The following OR51A7 variants were observed in gnomAD, a reference collection of about 807,000 sequenced individuals.
OR51A7 encodes the protein olfactory receptor family 51 subfamily A member 7.
For missense variants in OR51A7, 409 were observed against 374.5 expected (o/e 1.09, Z -0.76); for synonymous variants, 143 against 135.5 (o/e 1.05, Z -0.38).
rs531013617 is a variant in OR51A7, at chr11:4,907,977, C to T, written c.608C>T (p.Ala203Val). 7 of 1,614,142 alleles carry T rather than the reference C, an allele frequency of 4.3e-6. No individual in the cohort carries two copies. In the South Asian group the frequency reaches 7.7e-5, roughly 18 times the overall value. Residue 203 changes from alanine to valine, a missense_variant, in exon 2 of 2, where the codon GCT becomes GTT. Coordinates refer to ENST00000641490, the MANE Select transcript of OR51A7 (RefSeq NM_001004749.2). ...KTNVIYGFFI[A>V]LCTMLDLALI... is the part of the protein sequence containing the mutation. ...AATGTCATCTATGGCTTCTTCATTG[C>T]TCTCTGTACTATGCTGGACTTGGCA...
In OR51A7 at chr11:4,908,852, A is replaced by T. The variant is rs1850948026; in HGVS notation, c.*544A>T. ...GGAATGCCAATTTCTTCTCTACATG[A>T]TAAATTTCATTTTAAGAAGAGCGTG... On this transcript the variant is annotated 3_prime_UTR_variant, in exon 2 of 2. Transcript: ENST00000641490. 6.2e-6 allele frequency: 1 copy of T among 160,586 alleles called. No individual in the cohort carries two copies. Among genetic ancestry groups the T allele is most frequent in the Non-Finnish European group, 1.4e-5 (1 of 72,894 alleles). 9.9% of individuals were successfully genotyped at this position (160,586 alleles called of 1,614,324 possible).
chr11:4,906,256 A>G (rs992015121), intron 1 of OR51A7, among the ~76,000 whole-genome samples: 2 of 152,182 alleles, frequency 1.3e-5, no homozygotes, highest in Non-Finnish European at 2.9e-5. Context: ...ATTGGAAACT[A>G]CTGTGTAATC....
intron 1 of OR51A7, among the ~76,000 whole-genome samples, chr11:4,905,137 T>G (rs1328068948): frequency 6.6e-6 from 1 of 152,102 alleles, no homozygotes; most frequent in East Asian, 1.9e-4. Context: ...ACTACTGACA[T>G]GGGATCAGAA....
chr11:4,907,095 T>TAAAAAAAA (rs3065178), intron 1 of OR51A7, among the ~76,000 whole-genome samples: 4,380 of 54,850 alleles, frequency 0.08, 467 homozygotes, highest in Non-Finnish European at 0.11. Flanking sequence ...AAACTCCCTC[T>TAAAAAAAA]AAAAAAAAAA....
chr11:4,907,417 G>T lies in OR51A7; in HGVS notation c.48G>T (p.Gly16=), dbSNP rs1351411365. The T allele has an allele frequency of 6.2e-7, 1 of 1,613,704 alleles. No individual in the cohort carries two copies. The highest frequency in any genetic ancestry group is 1.3e-5 in the African/African-American group (1 of 74,824). ...NSEVKLFLLI[G]IPGLEHAHIW... ...AAGTCAAGCTTTTCCTTCTGATTGG[G>T]ATCCCAGGACTGGAACATGCCCACA... The change falls in exon 2 of 2, where the codon GGG becomes GGT. Residue 16 remains glycine (G), a synonymous_variant. Coordinates refer to ENST00000641490, the MANE Select transcript of OR51A7 (RefSeq NM_001004749.2).
At position 4,907,900 on chromosome 11, in the gene OR51A7, A is replaced by C. The variant is rs751516807; in HGVS notation, c.531A>C (p.Ser177=). The change falls in exon 2 of 2, where the codon TCA becomes TCC. Residue 177 remains serine (S), a synonymous_variant. Transcript: ENST00000641490. ...KYCQKNLLSH[S]YCLHQDTMKL... is the part of the protein sequence containing the mutation. ...GTCAAAAGAATCTTCTTTCTCACTC[A>C]TACTGTCTTCATCAGGATACCATGA... 7 of 1,613,964 alleles carry C rather than the reference A, an allele frequency of 4.3e-6. No homozygotes were observed. Among genetic ancestry groups the C allele is most frequent in the Non-Finnish European group, 5.9e-6 (7 of 1,180,026 alleles).
Position 4,908,134 on chromosome 11 carries a change from C to G in OR51A7, c.765C>G (p.Ile255Met). ...TGCTCACCTTCTATGTGCCCATCAT[C>G]ACCCTGGCTGCCATGCATCACTTTG... is the stretch of plus-strand genomic sequence containing the variant. ...CAVLTFYVPIITLAAMHHFAK... is the reference protein window; with the variant it reads ...CAVLTFYVPIMTLAAMHHFAK... The change falls in exon 2 of 2, where the codon ATC becomes ATG. Residue 255 changes from isoleucine (I) to methionine (M), a missense_variant. By Grantham distance (10) the Ile-to-Met change is conservative (BLOSUM62 1). Coordinates refer to ENST00000641490, the MANE Select transcript of OR51A7 (RefSeq NM_001004749.2). The G allele has an allele frequency of 6.2e-7, 1 of 1,614,200 alleles. No individual in the cohort carries two copies. Among genetic ancestry groups the G allele is most frequent in the Non-Finnish European group, 8.5e-7 (1 of 1,180,030 alleles).
chr11:4,906,664 G>A (rs917829710), intron 1 of OR51A7, among the ~76,000 whole-genome samples: 8 of 152,178 alleles, frequency 5.3e-5, no homozygotes, highest in Non-Finnish European at 1.0e-4. Flanking sequence ...ATAAAGCTCA[G>A]AGATTTTATT....
intron 1 of OR51A7, among the ~76,000 whole-genome samples, chr11:4,907,095 TA>T (rs3065178): frequency 5.6e-4 from 31 of 55,128 alleles, no homozygotes; most frequent in African/African-American, 1.2e-3. Context: ...AAACTCCCTC[TA>T]AAAAAAAAAA....
chr11:4,906,646 C>T (rs1461860721), intron 1 of OR51A7, among the ~76,000 whole-genome samples: 1 of 152,166 alleles, frequency 6.6e-6, no homozygotes, highest in Admixed American at 6.5e-5. Flanking sequence ...TTCTTTCAAA[C>T]TTTCTACATA....
At position 4,907,430 on chromosome 11, in the gene OR51A7, G is replaced by A. The variant is rs1850913896; in HGVS notation, c.61G>A (p.Glu21Lys). 3 of 1,613,746 alleles carry A rather than the reference G, an allele frequency of 1.9e-6. No individual in the cohort carries two copies. Among genetic ancestry groups the A allele is most frequent in the Non-Finnish European group, 2.5e-6 (3 of 1,179,986 alleles). The stretch of plus-strand genomic sequence containing the variant: ...CCTTCTGATTGGGATCCCAGGACTG[G>A]AACATGCCCACATTTGGTTCTCCAT... Reference protein sequence around the residue: ...LFLLIGIPGLEHAHIWFSIPI... With the variant: ...LFLLIGIPGLKHAHIWFSIPI... Residue 21 changes from glutamate to lysine, a missense_variant, in exon 2 of 2, where the codon GAA (glutamate) becomes AAA (lysine). Transcript: ENST00000641490.
chr11:4,909,006 T>C lies in OR51A7; in HGVS notation c.*698T>C, dbSNP rs538578099. On this transcript the variant is annotated 3_prime_UTR_variant, in exon 2 of 2. Coordinates refer to ENST00000641490, the MANE Select transcript of OR51A7 (RefSeq NM_001004749.2). ...GAACAAGATCATTTAGCTGCTGTTGTTATTTTTCTGTTATAAAACCAACAT... is the reference window on the plus strand; with the variant it reads ...GAACAAGATCATTTAGCTGCTGTTGCTATTTTTCTGTTATAAAACCAACAT... 1 of 152,370 alleles carries C rather than the reference T, an allele frequency of 6.6e-6. No homozygotes were observed. 9.4% of individuals were successfully genotyped at this position (152,370 alleles called of 1,614,324 possible).
Position 4,907,338 on chromosome 11 carries a change from G to T in OR51A7, c.-31-1G>T. 7.0e-7 allele frequency: 1 copy of T among 1,438,398 alleles called. No individual in the cohort carries two copies. The highest frequency in any genetic ancestry group is 9.7e-7 in the Non-Finnish European group (1 of 1,031,556). The allele number at this position is 1,438,398 out of a possible 1,614,324, so 89.1% of individuals were successfully genotyped here. A position where few individuals can be genotyped will look rare whatever the true frequency, so the allele number is the denominator to read the frequency against. ...ACTGCTTTTCATTTATATGGTTTCA[G>T]ATCCGGCTAACGAGCTCATATCTCC... On this transcript the variant is annotated splice_acceptor_variant, in intron 1 of 1. Transcript: ENST00000641490. LOFTEE classifies it low-confidence loss of function (5UTR_SPLICE).
In OR51A7 at chr11:4,908,414, G is replaced by A; in HGVS notation, c.*106G>A. 1.0e-6 allele frequency: 1 copy of A among 954,744 alleles called. No homozygotes were observed. The highest frequency in any genetic ancestry group is 1.6e-5 in the African/African-American group (1 of 62,120). The allele number at this position is 954,744 out of a possible 1,614,324, so 59.1% of individuals were successfully genotyped here. A position where few individuals can be genotyped will look rare whatever the true frequency, so the allele number is the denominator to read the frequency against. On this transcript the variant is annotated 3_prime_UTR_variant, in exon 2 of 2. Transcript: ENST00000641490. ...ACTAATGAAGGACTGGATGATGGAA[G>A]TGAAAAGCTATGTAGTGCAGAATTT...
chr11:4,906,845 C>T (rs1428464749), intron 1 of OR51A7, among the ~76,000 whole-genome samples: 3 of 151,954 alleles, frequency 2.0e-5, no homozygotes, highest in African/African-American at 7.3e-5. Context: ...AATCCCAGCA[C>T]TTTGGGAGGC....
rs80125653 is a variant in OR51A7 at position 4,908,473 on chromosome 11, G to GA, written c.*173dup. 71,757 of 647,488 alleles carry GA rather than the reference G, an allele frequency of 0.11. 7,605 individuals carry two copies. The highest frequency in any genetic ancestry group is 0.55 in the East Asian group (19,229 of 35,228). 40.1% of individuals were successfully genotyped at this position (647,488 alleles called of 1,614,324 possible). ...GTTGAGAATATAACTGAACAGGATA[G>GA]AAAAAAAAGTCAAGAGATATATAAG... On this transcript the variant is annotated 3_prime_UTR_variant, in exon 2 of 2. Coordinates refer to ENST00000641490, the MANE Select transcript of OR51A7 (RefSeq NM_001004749.2).
rs1471100098 is a variant in OR51A7 at position 4,907,898 on chromosome 11, T to G, written c.529T>G (p.Ser177Ala). ...TTGTCAAAAGAATCTTCTTTCTCAC[T>G]CATACTGTCTTCATCAGGATACCAT... ...KYCQKNLLSH[S>A]YCLHQDTMKL... The change falls in exon 2 of 2, where the codon TCA becomes GCA. Residue 177 changes from serine to alanine, a missense_variant. Transcript: ENST00000641490. The G allele has an allele frequency of 6.2e-7, 1 of 1,613,974 alleles. No individual in the cohort carries two copies. The highest frequency in any genetic ancestry group is 1.3e-5 in the African/African-American group (1 of 74,932).
Position 4,907,656 on chromosome 11 carries a change from C to T in OR51A7, c.287C>T (p.Ala96Val). Residue 96 changes from alanine (A) to valine (V), a missense_variant, in exon 2 of 2, where the codon GCC becomes GTC. By Grantham distance (64) the Ala-to-Val change is moderately conservative. Transcript: ENST00000641490. ...LFNAMGISPN[A>V]CFAQEFFIHG... ...AATGCCATGGGAATTTCACCTAATG[C>T]CTGCTTTGCTCAAGAATTCTTCATT... 6.2e-7 allele frequency: 1 copy of T among 1,614,042 alleles called. No homozygotes were observed. The highest frequency in any genetic ancestry group is 1.1e-5 in the South Asian group (1 of 91,074).
intron 1 of OR51A7, among the ~76,000 whole-genome samples, chr11:4,906,517 G>A (rs769197221): frequency 8.5e-5 from 13 of 152,158 alleles, no homozygotes; most frequent in Non-Finnish European, 1.5e-4. Flanking sequence ...ATGTGCATAA[G>A]TACCTACCTC....
Sources: allele counts gnomAD v4.1 joint callset (sites outside exome capture counted in the v4.1 genomes callset), GRCh38; gene constraint gnomAD v4.1.1; transcripts MANE v1.5; gene names NCBI Gene and HGNC (gene_info 2026-07-23, HGNC 2026-07-21).